The following BIRC2 variants were observed in gnomAD, a reference collection of about 807,000 sequenced individuals.
BIRC2 encodes the protein baculoviral IAP repeat-containing protein 2.
A neutral mutation model predicts 60.9 loss-of-function variants in BIRC2; 18 were observed. That is an observed-to-expected ratio of 0.30 (90% CI 0.20 to 0.44). The LOEUF (loss-of-function observed/expected upper bound fraction) is 0.44. BIRC2 is among the 20% of genes least tolerant of loss of function. BIRC2 has a pLI of 1.00. For synonymous variants in BIRC2, 282 were observed against 247.7 expected (o/e 1.14, Z -1.30); for missense variants, 701 against 728.5 (o/e 0.96, Z 0.43).
At chr11:102,367,970 A>C (rs1242221542) in intron 5 of BIRC2, among the ~76,000 whole-genome samples, 1 of 152,192 alleles carries the variant, frequency 6.6e-6, no homozygotes, top group African/African-American at 2.4e-5. Flanking sequence ...TTCGTATAGC[A>C]TATTGGTTTC....
chr11:102,353,466 A>T (rs138247225), intron 3 of BIRC2, among the ~76,000 whole-genome samples: 44 of 151,998 alleles, frequency 2.9e-4, no homozygotes, highest in African/African-American at 1.1e-3. Context: ...TTATAGGCAC[A>T]CGCCACCACA....
chr11:102,354,944 G>GTTTTTTTTTT (rs61520984), intron 3 of BIRC2, among the ~76,000 whole-genome samples: 60 of 89,642 alleles, frequency 6.7e-4, no homozygotes, highest in Non-Finnish European at 8.6e-4. Context: ...AATTATTTGG[G>GTTTTTTTTTT]TTTTTTTTTT....
rs113111923 is a variant in BIRC2 at position 102,366,372 on chromosome 11, GT to G, written c.1124-1922del. Among the ~76,000 whole-genome samples, 809 of 142,718 alleles carry G rather than the reference GT, an allele frequency of 5.7e-3. 8 individuals are homozygous for G. Among genetic ancestry groups the G allele is most frequent in the African/African-American group, 0.019 (736 of 39,258 alleles). The allele number at this position is 142,718 out of a possible 152,430, so 93.6% of individuals were successfully genotyped here. On this transcript the variant is annotated intron_variant, in intron 5 of 8. Transcript: ENST00000227758. ...ACTACATCTCACCATCTCCACCACT[GT>G]TTTTTTTTTTTGAGATGGAGTCTTG...
Position 102,348,654 on chromosome 11 carries a change from C to G in BIRC2, c.-1201C>G. The G allele has an allele frequency of 3.0e-6, 1 of 334,514 alleles. No individual in the cohort carries two copies. The highest frequency in any genetic ancestry group is 5.8e-6 in the Non-Finnish European group (1 of 172,522). The allele number at this position is 334,514 out of a possible 1,614,324, so 20.7% of individuals were successfully genotyped here. A position where few individuals can be genotyped will look rare whatever the true frequency, so the allele number is the denominator to read the frequency against. On this transcript the variant is annotated 5_prime_UTR_variant, in exon 2 of 9. It adds an upstream start codon to the 5' untranslated region. Coordinates refer to ENST00000227758, the MANE Select transcript of BIRC2 (RefSeq NM_001166.5). The stretch of plus-strand genomic sequence containing the variant: ...ATTTTGTCCCCCTGCAGTAATAAAT[C>G]CCATTATGGAGATCTCGAAACTTTA...
chr11:102,360,686 CT>C (rs764762961), intron 3 of BIRC2, among the ~76,000 whole-genome samples: 7,938 of 125,908 alleles, frequency 0.063, 231 homozygotes, highest in Non-Finnish European at 0.092. Context: ...TGTCACGTTT[CT>C]TTTTTTTTTT....
chr11:102,351,059 G>A (rs1951352873), intron 3 of BIRC2, 116 bp downstream of exon 3: 2 of 882,042 alleles, frequency 2.3e-6, no homozygotes, highest in South Asian at 3.7e-5. Flanking sequence ...ATGCCATTGG[G>A]GAATTATCCT....
chr11:102,350,367 A>C lies in BIRC2; in HGVS notation c.513A>C (p.Ser171=). The change falls in exon 2 of 9, where the codon TCA becomes TCC. Residue 171 remains serine (S), a synonymous_variant. Coordinates refer to ENST00000227758, the MANE Select transcript of BIRC2 (RefSeq NM_001166.5). ...CTAGAGCAGTTGAAGACATCTCTTCATCGAGGACTAACCCCTACAGTTATG... is the reference window on the plus strand; with the variant it reads ...CTAGAGCAGTTGAAGACATCTCTTCCTCGAGGACTAACCCCTACAGTTATG... ...LNSRAVEDIS[S]SRTNPYSYAM... is the part of the protein sequence containing the mutation. The C allele has an allele frequency of 1.9e-6, 3 of 1,614,212 alleles. No homozygotes were observed. The highest frequency in any genetic ancestry group is 2.5e-6 in the Non-Finnish European group (3 of 1,180,036).
At chr11:102,347,874 C>T (rs967512341) in intron 1 of BIRC2, 1 of 152,200 alleles carries the variant, frequency 6.6e-6, no homozygotes, top group Non-Finnish European at 1.5e-5. Flanking sequence ...ATTCTTTTCC[C>T]TTCCATCCTA....
At position 102,368,653 on chromosome 11, in the gene BIRC2, T is replaced by C. The variant is rs931661151; in HGVS notation, c.1366+105T>C. 6 of 1,441,826 alleles carry C rather than the reference T, an allele frequency of 4.2e-6. No homozygotes were observed. In the South Asian group the frequency reaches 5.5e-5, roughly 13 times the overall value. 89.3% of individuals were successfully genotyped at this position (1,441,826 alleles called of 1,614,324 possible). A position where few individuals can be genotyped will look rare whatever the true frequency, so the allele number is the denominator to read the frequency against. On this transcript the variant is annotated intron_variant, in intron 6 of 8. Transcript: ENST00000227758. ...TTGTTTCACATCCACTAACTGCTGG[T>C]AGCAGTCCTCCAGTCATTTCGAAAC...
Position 102,349,879 on chromosome 11 carries a change from CTT to C in BIRC2, c.28_29del (p.Phe10ProfsTer9), listed in dbSNP as rs766765656. On this transcript the variant is annotated frameshift_variant, in exon 2 of 9. Coordinates refer to ENST00000227758, the MANE Select transcript of BIRC2 (RefSeq NM_001166.5). LOFTEE classifies it high-confidence loss of function. MHKTASQR[L>X]FPGPSYQNIK... Reference sequence around the variant, plus strand: ...CATGCACAAAACTGCCTCCCAAAGACTTTTCCCAGGTCCCTCGTATCAAAACA... The same window carrying C: ...CATGCACAAAACTGCCTCCCAAAGACTTCCCAGGTCCCTCGTATCAAAACA... 1.9e-6 allele frequency: 3 copies of C among 1,609,692 alleles called. No individual in the cohort carries two copies. The highest frequency in any genetic ancestry group is 2.7e-5 in the African/African-American group (2 of 74,846).
At position 102,366,829 on chromosome 11, in the gene BIRC2, A is replaced by G. The variant is rs141729839; in HGVS notation, c.1124-1477A>G. On this transcript the variant is annotated intron_variant, in intron 5 of 8. Coordinates refer to ENST00000227758, the MANE Select transcript of BIRC2 (RefSeq NM_001166.5). The stretch of plus-strand genomic sequence containing the variant: ...AAGTTTTATCAGTTGCATGCTTGAA[A>G]CACTCCTAGAATATTCTACCAAACT... Among the ~76,000 whole-genome samples the G allele has an allele frequency of 2.9e-3, 438 of 152,278 alleles. 1 individual carries two copies. Among genetic ancestry groups the G allele is most frequent in the African/African-American group, 0.01 (420 of 41,556 alleles).
rs34130638 is a variant in BIRC2 at position 102,365,743 on chromosome 11, A to AGTGTGTGTGTGTGTGT, written c.1123+2040_1123+2055dup. ...AGGCATGCACCATCACATTCAGCTA[A>AGTGTGTGTGTGTGTGT]GTGTGTGTGTGTGTGTGTGTGTGTG... is the stretch of plus-strand genomic sequence containing the variant. On this transcript the variant is annotated intron_variant, in intron 5 of 8. Transcript: ENST00000227758. 3.6e-3 allele frequency among the ~76,000 whole-genome samples: 530 copies of AGTGTGTGTGTGTGTGT among 147,654 alleles called. 2 individuals are homozygous for AGTGTGTGTGTGTGTGT. The highest frequency in any genetic ancestry group is 0.011 in the African/African-American group (446 of 40,094).
intron 3 of BIRC2, among the ~76,000 whole-genome samples, chr11:102,361,502 T>TC (rs913097753): frequency 6.6e-6 from 1 of 152,108 alleles, no homozygotes; most frequent in African/African-American, 2.4e-5. Flanking sequence ...CAGTAGTGTC[T>TC]CCCTCTCCAG....
intron 6 of BIRC2, among the ~76,000 whole-genome samples, chr11:102,374,277 T>G (rs1182443610): frequency 6.6e-6 from 1 of 151,020 alleles, no homozygotes; most frequent in Non-Finnish European, 1.5e-5. Flanking sequence ...TTCTGTTCTG[T>G]TTTTCCCCCA....
At chr11:102,356,629 A>G (rs917715769) in intron 3 of BIRC2, among the ~76,000 whole-genome samples, 2 of 151,528 alleles carry the variant, frequency 1.3e-5, no homozygotes, top group Non-Finnish European at 2.9e-5. Context: ...AATTTTGTCA[A>G]ATGCTTTTTC....
rs760639875 is a variant in BIRC2 at position 102,349,929 on chromosome 11, C to T, written c.75C>T (p.Ser25=). The T allele has an allele frequency of 1.2e-6, 2 of 1,614,134 alleles. No individual in the cohort carries two copies. The highest frequency in any genetic ancestry group is 2.2e-5 in the South Asian group (2 of 91,084). The change falls in exon 2 of 9, where the codon AGC becomes AGT. Residue 25 remains serine, a synonymous_variant. Coordinates refer to ENST00000227758, the MANE Select transcript of BIRC2 (RefSeq NM_001166.5). ...YQNIKSIMED[S]TILSDWTNSN... is the part of the protein sequence containing the mutation. ...ACATTAAGAGTATAATGGAAGATAG[C>T]ACGATCTTGTCAGATTGGACAAACA...
intron 3 of BIRC2, among the ~76,000 whole-genome samples, chr11:102,360,775 G>GTT (rs1555047753): frequency 7.4e-6 from 1 of 135,736 alleles, no homozygotes; most frequent in Non-Finnish European, 1.7e-5. Context: ...AGATTAGTGT[G>GTT]TTTTTTTTGT....
intron 3 of BIRC2, among the ~76,000 whole-genome samples, chr11:102,354,528 A>G (rs773533229): frequency 6.6e-6 from 1 of 152,126 alleles, no homozygotes; most frequent in Admixed American, 6.5e-5. Flanking sequence ...CTTAGTAGAC[A>G]CTTAAGTTGT....
intron 3 of BIRC2, among the ~76,000 whole-genome samples, chr11:102,362,074 A>G (rs1318954624): frequency 6.6e-6 from 1 of 152,148 alleles, no homozygotes; most frequent in Non-Finnish European, 1.5e-5. Context: ...ATGTCAATTT[A>G]TCAATTTTAT....
Sources: gnomAD v4.1 joint callset for allele counts (sites outside exome capture counted in the v4.1 genomes callset) on GRCh38, gnomAD v4.1.1 for gene constraint, MANE v1.5 for transcripts, NCBI Gene and HGNC (gene_info 2026-07-23, HGNC 2026-07-21) for gene names.